EPRS1: variants seen among roughly 807,000 people sequenced by gnomAD.
EPRS1 encodes the protein bifunctional glutamate/proline--tRNA ligase.
A neutral mutation model predicts 188.3 loss-of-function variants in EPRS1; 107 were observed. That is an observed-to-expected ratio of 0.57 (90% CI 0.49 to 0.67). The LOEUF is 0.67. Ranked by LOEUF, EPRS1 falls within the 30% of genes least tolerant of loss-of-function variation. The pLI is 0.00. For synonymous variants in EPRS1, 596 were observed against 593.1 expected, an observed-to-expected ratio of 1.00 and a Z score of -0.07; for missense variants, 1,577 against 1,802.2, an observed-to-expected ratio of 0.88 and a Z score of 2.26.
At chr1:220,042,072 T>C (rs1662305706) in intron 1 of EPRS1, among the ~76,000 whole-genome samples, 1 of 151,612 alleles carries the variant, frequency 6.6e-6, no homozygotes, top group South Asian at 2.1e-4. Flanking sequence ...TCCCAGCTAC[T>C]TGGGAGGCTG....
Position 220,046,401 on chromosome 1 carries a change from G to T in EPRS1, c.-13C>A, listed in dbSNP as rs779987864. On this transcript the variant is annotated 5_prime_UTR_variant, in exon 1 of 32. Transcript: ENST00000366923. ...AGAGCGTCGCCATCTCCACCAGTCCGCTGGTCCACCTGTCAGTACGCCTGG... is the reference window on the plus strand; with the variant it reads ...AGAGCGTCGCCATCTCCACCAGTCCTCTGGTCCACCTGTCAGTACGCCTGG... 3.7e-6 allele frequency: 6 copies of T among 1,613,746 alleles called. No homozygotes were observed. The East Asian group carries it at 1.1e-4, about 30-fold the overall frequency.
At chr1:220,040,150 A>G (rs1662264785) in intron 2 of EPRS1, 35 bp downstream of exon 2, 4 of 1,355,970 alleles carry the variant, frequency 2.9e-6, no homozygotes, top group Non-Finnish European at 4.1e-6. Context: ...GAAAAAGCCA[A>G]TCAGTACTGA....
In EPRS1 at chr1:220,033,484, A is replaced by G. The variant is rs140545456; in HGVS notation, c.388+18T>C. On this transcript the variant is annotated intron_variant, in intron 4 of 31. Coordinates refer to ENST00000366923, the MANE Select transcript of EPRS1 (RefSeq NM_004446.3). ...TATTAAACGATTAAAACAGAGGATT[A>G]TTAAGAATTATTGATACCTTTTAGG... is the stretch of plus-strand genomic sequence containing the variant. 4 of 1,558,284 alleles carry G rather than the reference A, an allele frequency of 2.6e-6. No individual in the cohort carries two copies. The East Asian group carries it at 9.0e-5, about 35-fold the overall frequency.
chr1:219,972,514 T>C (rs897624285), intron 29 of EPRS1, among the ~76,000 whole-genome samples: 26 of 152,210 alleles, frequency 1.7e-4, no homozygotes, highest in African/African-American at 5.8e-4. Context: ...GGAATATATA[T>C]ATATCTTTTA....
chr1:220,012,013 T>A (rs1297493815), intron 12 of EPRS1, among the ~76,000 whole-genome samples: 5 of 149,250 alleles, frequency 3.4e-5, no homozygotes, highest in African/African-American at 7.4e-5. Context: ...TGGTTTTTTT[T>A]GTCAGTGTTG....
At chr1:220,015,740 GGACT>G (rs1175538918) in intron 12 of EPRS1, among the ~76,000 whole-genome samples, 1 of 151,604 alleles carries the variant, frequency 6.6e-6, no homozygotes, top group East Asian at 1.9e-4. Flanking sequence ...TCAGGGAGCT[GGACT>G]GAGTCTCCAA....
At chr1:219,991,820 T>C (rs1694577) in intron 18 of EPRS1, among the ~76,000 whole-genome samples, 91,631 of 151,980 alleles carry the variant, frequency 0.6, 28,666 homozygotes, top group Non-Finnish European at 0.7. Flanking sequence ...CTGCTATTTT[T>C]CTCTGATACA....
At chr1:219,980,656 T>G in intron 25 of EPRS1, 100 bp downstream of exon 25, 1 of 683,668 alleles carries the variant, frequency 1.5e-6, no homozygotes, top group South Asian at 2.0e-5. Context: ...TTAATTTGAT[T>G]TTGCTTTTAA....
intron 22 of EPRS1, 113 bp from the exon 23 acceptor site, chr1:219,982,957 G>T (rs1660928259): frequency 3.1e-6 from 3 of 954,490 alleles, no homozygotes; most frequent in Non-Finnish European, 5.0e-6. Flanking sequence ...ATTTAGGCAA[G>T]TTAAAATAGT....
chr1:219,973,939 G>T (rs1188376979), intron 28 of EPRS1, among the ~76,000 whole-genome samples: 1 of 151,964 alleles, frequency 6.6e-6, no homozygotes, highest in African/African-American at 2.4e-5. Flanking sequence ...TGCGACCTGA[G>T]AATTTGTTTT....
rs1284931486 is a variant in EPRS1 at position 220,032,385 on chromosome 1, A to G, written c.528+2T>C. The G allele has an allele frequency of 6.3e-7, 1 of 1,579,434 alleles. No homozygotes were observed. The highest frequency in any genetic ancestry group is 1.2e-5 in the South Asian group (1 of 84,076). ...TTTAAAAAAAAAGAAAAAAAGGCTTACCACTCGAGCTTTGGTTGTTGAAAC... is the reference window on the plus strand; with the variant it reads ...TTTAAAAAAAAAGAAAAAAAGGCTTGCCACTCGAGCTTTGGTTGTTGAAAC... On this transcript the variant is annotated splice_donor_variant, in intron 5 of 31. Transcript: ENST00000366923. LOFTEE classifies it high-confidence loss of function.
intron 15 of EPRS1, among the ~76,000 whole-genome samples, chr1:220,005,829 G>GTTTTTTTTTTTGT (rs1661454053): frequency 2.2e-5 from 1 of 45,728 alleles, no homozygotes; most frequent in Non-Finnish European, 4.2e-5. Flanking sequence ...TTTTTTTTTT[G>GTTTTTTTTTTTGT]TTTTTTTTTT....
intron 8 of EPRS1, 38 bp from the exon 9 acceptor site, chr1:220,022,556 G>C (rs771250305): frequency 1.3e-6 from 2 of 1,484,634 alleles, no homozygotes; most frequent in East Asian, 4.6e-5. Flanking sequence ...CACTAATCTG[G>C]TTAAATTCAA....
In EPRS1 at chr1:220,025,240, A is replaced by G; in HGVS notation, c.642T>C (p.His214=). The G allele has an allele frequency of 6.2e-7, 1 of 1,609,038 alleles. No homozygotes were observed. Among genetic ancestry groups the G allele is most frequent in the Middle Eastern group, 1.7e-4 (1 of 5,998 alleles). Residue 214 remains histidine, a synonymous_variant, in exon 7 of 32, where the codon CAT becomes CAC. Transcript: ENST00000366923. ...PEASGYLHIG[H]AKAALLNQHY... Reference sequence around the variant, plus strand: ...GCTGGTTCAGAAGAGCAGCTTTTGCATGCCCAATGTGTAAGTAACTAAAAC... The same window carrying G: ...GCTGGTTCAGAAGAGCAGCTTTTGCGTGCCCAATGTGTAAGTAACTAAAAC...
chr1:219,995,145 T>C (rs979315096), intron 18 of EPRS1, among the ~76,000 whole-genome samples: 1 of 152,228 alleles, frequency 6.6e-6, no homozygotes, highest in South Asian at 2.1e-4. Context: ...ATCACATTAG[T>C]ATTAAAATAC....
rs11325774 is a variant in EPRS1, at chr1:220,015,794, TAA to T, written c.1494+2653_1494+2654del. ...CCTTCAGGAAAGCAAGAAGGTAATA[TAA>T]AAAAAAAAAAAAGAAGATCCAAGAA... On this transcript the variant is annotated intron_variant, in intron 12 of 31. Coordinates refer to ENST00000366923, the MANE Select transcript of EPRS1 (RefSeq NM_004446.3). Among the ~76,000 whole-genome samples, 64 of 146,884 alleles carry T rather than the reference TAA, an allele frequency of 4.4e-4. No individual in the cohort carries two copies. The East Asian group carries it at 7.2e-3, about 16-fold the overall frequency.
chr1:219,987,333 C>G lies in EPRS1; in HGVS notation c.2847G>C (p.Glu949Asp). 6.2e-7 allele frequency: 1 copy of G among 1,613,914 alleles called. No homozygotes were observed. The highest frequency in any genetic ancestry group is 1.3e-5 in the African/African-American group (1 of 75,030). ...CTCCAGTGGCCGACACAGGCTTATA[C>G]TCTACTCCTATCAAAGACTTGTACT... ...KAQYKSLIGV[E>D]YKPVSATGAE... Residue 949 changes from glutamate to aspartate, a missense_variant, in exon 20 of 32, where the codon GAG becomes GAC. Physicochemically the swap from Glu to Asp is conservative, Grantham distance 45. Around this residue, in one of 3 missense-constraint regions of EPRS1, gnomAD observed 1,278 missense variants for 1,457.4 expected, o/e 0.88. Coordinates refer to ENST00000366923, the MANE Select transcript of EPRS1 (RefSeq NM_004446.3).
At chr1:220,031,668 C>T (rs1662085982) in intron 5 of EPRS1, among the ~76,000 whole-genome samples, 2 of 152,140 alleles carry the variant, frequency 1.3e-5, no homozygotes, top group South Asian at 4.1e-4. Context: ...TAAAACAGAT[C>T]AAAGTGGAGC....
At chr1:220,016,490 G>A (rs1416149852) in intron 12 of EPRS1, among the ~76,000 whole-genome samples, 3 of 150,546 alleles carry the variant, frequency 2.0e-5, no homozygotes, top group Non-Finnish European at 3.0e-5. Context: ...GACTCACTGC[G>A]GCCTTGACCT....
Sources: allele counts gnomAD v4.1 joint callset (sites outside exome capture counted in the v4.1 genomes callset), GRCh38; gene constraint gnomAD v4.1.1; regional missense constraint gnomAD v4.1.1; transcripts MANE v1.5; gene names NCBI Gene and HGNC (gene_info 2026-07-23, HGNC 2026-07-21).